The following PTPRM variants were observed in gnomAD, a reference collection of about 807,000 sequenced individuals.
PTPRM encodes the protein receptor-type tyrosine-protein phosphatase mu.
Under a neutral mutation model 186.7 loss-of-function variants are expected in PTPRM, and 47 were observed. The ratio of observed to expected loss-of-function variants is 0.25; its 90% CI spans 0.20 to 0.32. PTPRM has a LOEUF of 0.32. Ranked by LOEUF, PTPRM falls within the 10% of genes least tolerant of loss-of-function variation. The pLI is 1.00. For missense variants in PTPRM, 1,494 were observed against 1,865.0 expected (o/e 0.80, Z 3.66); for synonymous variants, 668 against 674.9 (o/e 0.99, Z 0.16).
At chr18:8,028,340 A>C (rs1184397775) in intron 7 of PTPRM, among the ~76,000 whole-genome samples, 1 of 152,148 alleles carries the variant, frequency 6.6e-6, no homozygotes, top group African/African-American at 2.4e-5. Flanking sequence ...CTGATTATCC[A>C]TCCTGATGAT....
chr18:8,291,248 T>C (rs762357942), intron 19 of PTPRM, among the ~76,000 whole-genome samples: 1 of 152,000 alleles, frequency 6.6e-6, no homozygotes, highest in Non-Finnish European at 1.5e-5. Context: ...GAGGTGAGAG[T>C]TAGAGGAGGA....
chr18:7,827,161 G>A (rs1012594387), intron 2 of PTPRM, among the ~76,000 whole-genome samples: 23 of 152,262 alleles, frequency 1.5e-4, no homozygotes, highest in Non-Finnish European at 1.5e-4. Context: ...ACTAAGGTTT[G>A]CTTTGGAGCA....
At chr18:8,310,554 C>T (rs1032869624) in intron 20 of PTPRM, among the ~76,000 whole-genome samples, 1 of 150,634 alleles carries the variant, frequency 6.6e-6, no homozygotes, top group African/African-American at 2.4e-5. Context: ...AGGAGTTCTG[C>T]CCTCTCCACT....
At chr18:7,670,543 T>C (rs947856971) in intron 1 of PTPRM, among the ~76,000 whole-genome samples, 2 of 152,216 alleles carry the variant, frequency 1.3e-5, no homozygotes, top group African/African-American at 2.4e-5. Flanking sequence ...CATTTAATAA[T>C]TGATGAGTCA....
chr18:7,656,519 A>G (rs982898894), intron 1 of PTPRM, among the ~76,000 whole-genome samples: 1 of 152,120 alleles, frequency 6.6e-6, no homozygotes, highest in Non-Finnish European at 1.5e-5. Context: ...GTTGCTTAAC[A>G]CTGTAAATGC....
chr18:7,696,890 C>T (rs769952637), intron 1 of PTPRM, among the ~76,000 whole-genome samples: 6 of 152,138 alleles, frequency 3.9e-5, no homozygotes, highest in Admixed American at 6.6e-5. Context: ...TTTGTTTATG[C>T]ATGTTTTTAT....
chr18:8,372,965 T>G (rs1323099935), intron 24 of PTPRM, among the ~76,000 whole-genome samples: 3 of 152,086 alleles, frequency 2.0e-5, no homozygotes, highest in Non-Finnish European at 4.4e-5. Context: ...AACCTCTTAT[T>G]GTACTCCCCT....
At chr18:7,775,501 C>T (rs1411814642) in intron 2 of PTPRM, among the ~76,000 whole-genome samples, 1 of 152,042 alleles carries the variant, frequency 6.6e-6, no homozygotes, top group Non-Finnish European at 1.5e-5. Flanking sequence ...GTGGGGCCGT[C>T]GTTTCCCAAA....
At chr18:7,688,978 G>C (rs568711986) in intron 1 of PTPRM, among the ~76,000 whole-genome samples, 1 of 152,244 alleles carries the variant, frequency 6.6e-6, no homozygotes, top group South Asian at 2.1e-4. Flanking sequence ...TACTGATCTA[G>C]CTTTAAGAAT....
intron 19 of PTPRM, among the ~76,000 whole-genome samples, chr18:8,289,713 C>T (rs1472257785): frequency 2.0e-5 from 3 of 150,632 alleles, no homozygotes; most frequent in South Asian, 4.2e-4. Flanking sequence ...GATAATTGTA[C>T]GATAACAATT....
chr18:8,258,236 G>A (rs2094593279), intron 19 of PTPRM, among the ~76,000 whole-genome samples: 1 of 152,196 alleles, frequency 6.6e-6, no homozygotes. Context: ...GCAAAGGGCA[G>A]TCTGTGCTAA....
intron 7 of PTPRM, among the ~76,000 whole-genome samples, chr18:8,014,982 A>T (rs1007012695): frequency 2.0e-5 from 3 of 152,006 alleles, no homozygotes; most frequent in Admixed American, 1.3e-4. Context: ...CATGTTTGGG[A>T]CTATTGTTTG....
At chr18:7,831,749 T>C (rs1033809215) in intron 2 of PTPRM, among the ~76,000 whole-genome samples, 18 of 152,250 alleles carry the variant, frequency 1.2e-4, no homozygotes, top group African/African-American at 3.9e-4. Context: ...CATCTCCACC[T>C]TCATCTCCAC....
intron 23 of PTPRM, among the ~76,000 whole-genome samples, chr18:8,363,927 G>A (rs889022959): frequency 6.6e-6 from 1 of 152,162 alleles, no homozygotes; most frequent in Admixed American, 6.5e-5. Flanking sequence ...TATAAGTATT[G>A]TATGCCCATT....
At chr18:7,959,865 C>G (rs148376951) in intron 7 of PTPRM, among the ~76,000 whole-genome samples, 1 of 152,190 alleles carries the variant, frequency 6.6e-6, no homozygotes, top group Non-Finnish European at 1.5e-5. Context: ...ATATACATAT[C>G]CAGTTGTTTT....
chr18:7,615,065 A>T, intron 1 of PTPRM, among the ~76,000 whole-genome samples: 1 of 152,082 alleles, frequency 6.6e-6, no homozygotes, highest in East Asian at 1.9e-4. Context: ...ATTTACATTG[A>T]TGTTCCCATA....
intron 10 of PTPRM, among the ~76,000 whole-genome samples, chr18:8,086,509 A>T (rs1344973344): frequency 1.3e-5 from 2 of 152,180 alleles, no homozygotes; most frequent in African/African-American, 4.8e-5. Flanking sequence ...AACAGCAATA[A>T]AAAAATTGCA....
intron 1 of PTPRM, among the ~76,000 whole-genome samples, chr18:7,697,677 G>T (rs2039874110): frequency 6.6e-6 from 1 of 152,140 alleles, no homozygotes; most frequent in African/African-American, 2.4e-5. Flanking sequence ...GAGTAATATA[G>T]CTCTAATAAT....
chr18:7,927,470 G>T (rs1360497777), intron 5 of PTPRM, among the ~76,000 whole-genome samples: 2 of 119,716 alleles, frequency 1.7e-5, no homozygotes, highest in African/African-American at 6.8e-5. Flanking sequence ...TTTTGTGTGG[G>T]TGTGGGTTTT....
Sources: allele counts gnomAD v4.1 joint callset (sites outside exome capture counted in the v4.1 genomes callset), GRCh38; gene constraint gnomAD v4.1.1; transcripts MANE v1.5; gene names NCBI Gene and HGNC (gene_info 2026-07-23, HGNC 2026-07-21).